Variants in MAP6D1 observed in about 807,000 individuals in gnomAD.
The protein encoded by MAP6D1 is MAP6 domain-containing protein 1.
In MAP6D1, 13 loss-of-function variants were observed where a neutral mutation model predicts 17.4. The ratio of observed to expected loss-of-function variants is 0.75; its 90% confidence interval spans 0.49 to 1.19. MAP6D1 has a LOEUF of 1.19. Ranked by LOEUF, MAP6D1 falls within the 50% of genes most tolerant of loss-of-function variation. MAP6D1 has a pLI of 0.00. For missense variants in MAP6D1, 313 were observed against 312.6 expected (o/e 1.00, Z -0.01); for synonymous variants, 141 against 145.7 (o/e 0.97, Z 0.23).
intron 2 of MAP6D1, among the ~76,000 whole-genome samples, 184 bp from the exon 3 acceptor site, chr3:183,817,620 G>A (rs922774163): frequency 3.3e-5 from 5 of 152,120 alleles, no homozygotes; most frequent in Non-Finnish European, 7.4e-5. Context: ...GCAGCTGAGT[G>A]GTACACGGAC....
At chr3:183,823,328 A>T (rs1727300704) in intron 1 of MAP6D1, among the ~76,000 whole-genome samples, 1 of 148,890 alleles carries the variant, frequency 6.7e-6, no homozygotes, top group Non-Finnish European at 1.5e-5. Context: ...TCATCCGGGC[A>T]TGGTGGCTCA....
chr3:183,817,500 T>C, intron 2 of MAP6D1, 64 bp from the exon 3 acceptor site: 1 of 1,401,812 alleles, frequency 7.1e-7, no homozygotes, highest in Non-Finnish European at 9.8e-7. Flanking sequence ...TCTTCCCCAC[T>C]ACCCAGCTCC....
Position 183,825,282 on chromosome 3 carries a change from C to T in MAP6D1, c.266G>A (p.Arg89His). The T allele has an allele frequency of 7.5e-7, 1 of 1,337,936 alleles. No individual in the cohort carries two copies. Among genetic ancestry groups the T allele is most frequent in the Non-Finnish European group, 9.6e-7 (1 of 1,046,322 alleles). The allele number at this position is 1,337,936 out of a possible 1,614,324, so 82.9% of individuals were successfully genotyped here. The change falls in exon 1 of 3, where the codon CGC (arginine) becomes CAC (histidine). Residue 89 changes from arginine (R) to histidine (H), a missense_variant. Transcript: ENST00000318631. The part of the protein sequence containing the change: ...PAGPKDPPPG[R>H]GPGAGGRRGK... Reference sequence around the variant, plus strand: ...CCTGCGGCCGCCCGCCCCCGGTCCGCGCCCCGGCGGCGGATCCTTGGGCCC... The same window carrying T: ...CCTGCGGCCGCCCGCCCCCGGTCCGTGCCCCGGCGGCGGATCCTTGGGCCC...
At position 183,817,279 on chromosome 3, in the gene MAP6D1, C is replaced by T; in HGVS notation, c.*77G>A. On this transcript the variant is annotated 3_prime_UTR_variant, in exon 3 of 3. Transcript: ENST00000318631. ...CAGGGGCCCATGCCATGCTCTCGCC[C>T]AGCCCCGCGGCAGTGGGTCCTGAGG... 1 of 1,432,570 alleles carries T rather than the reference C, an allele frequency of 7.0e-7. No individual in the cohort carries two copies. The highest frequency in any genetic ancestry group is 1.2e-5 in the South Asian group (1 of 81,544). 88.7% of individuals were successfully genotyped at this position (1,432,570 alleles called of 1,614,324 possible).
chr3:183,821,938 G>C (rs146875595), intron 1 of MAP6D1, among the ~76,000 whole-genome samples: 9 of 152,148 alleles, frequency 5.9e-5, no homozygotes, highest in Admixed American at 3.9e-4. Flanking sequence ...TGGGATTACA[G>C]GTGTGAGCCA....
chr3:183,822,231 C>T (rs1412105177), intron 1 of MAP6D1, among the ~76,000 whole-genome samples: 1 of 145,136 alleles, frequency 6.9e-6, no homozygotes, highest in African/African-American at 2.6e-5. Flanking sequence ...ACATAAACCC[C>T]ATCTCTAAAA....
rs1181446978 is a variant in MAP6D1, at chr3:183,817,384, G to A, written c.572C>T (p.Ala191Val). Residue 191 changes from alanine to valine, a missense_variant, in exon 3 of 3, where the codon GCC becomes GTC. Physicochemically the swap from Ala to Val is moderately conservative, Grantham distance 64. Transcript: ENST00000318631. ...CACGTTGAGAATCCGGGGAGCTGAG[G>A]CCTGAAAGATGGCGGAGGGGTTAGG... ...FTPNPSAIFQ[A>V]SAPRILNV 4 of 1,571,210 alleles carry A rather than the reference G, an allele frequency of 2.5e-6. No individual in the cohort carries two copies. The highest frequency in any genetic ancestry group is 3.5e-6 in the Non-Finnish European group (4 of 1,158,136).
At position 183,825,153 on chromosome 3, in the gene MAP6D1, G is replaced by T. The variant is rs1303223379; in HGVS notation, c.395C>A (p.Ser132Ter). ...GTCCCTACCCAGCCCATACCTGTAC[G>T]ACGTGGTCACTGCTGCAGCCGCGTC... is the stretch of plus-strand genomic sequence containing the variant. ...DADAAAAVTTSYRQEFQAWTG... is the reference protein window; with the variant it reads ...DADAAAAVTT Residue 132 changes from serine (S) to a stop codon, truncating the protein, a stop_gained, in exon 1 of 3, where the codon TCG (serine) becomes TAG (stop). Coordinates refer to ENST00000318631, the MANE Select transcript of MAP6D1 (RefSeq NM_024871.4). LOFTEE classifies it high-confidence loss of function. The T allele has an allele frequency of 9.2e-5, 133 of 1,451,526 alleles. No homozygotes were observed. Among genetic ancestry groups the T allele is most frequent in the Non-Finnish European group, 1.2e-4 (131 of 1,099,766 alleles). The allele number at this position is 1,451,526 out of a possible 1,614,324, so 89.9% of individuals were successfully genotyped here. A position where few individuals can be genotyped will look rare whatever the true frequency, so the allele number is the denominator to read the frequency against.
At chr3:183,819,792 AGTGGGG>A (rs1727204117) in intron 1 of MAP6D1, among the ~76,000 whole-genome samples, 3 of 152,334 alleles carry the variant, frequency 2.0e-5, no homozygotes, top group Non-Finnish European at 4.4e-5. Context: ...TCTTCTGAAA[AGTGGGG>A]CTGCTGACCC....
chr3:183,819,638 GA>G lies in MAP6D1; in HGVS notation c.402-1528del, dbSNP rs142981613. On this transcript the variant is annotated intron_variant, in intron 1 of 2. Coordinates refer to ENST00000318631, the MANE Select transcript of MAP6D1 (RefSeq NM_024871.4). ...TCATGGCTCAGGCCAAGATTAGTAAGAAATACAGGCCTCCCTGCCTGCTGTG... is the reference window on the plus strand; with the variant it reads ...TCATGGCTCAGGCCAAGATTAGTAAGAATACAGGCCTCCCTGCCTGCTGTG... Among the ~76,000 whole-genome samples the G allele has an allele frequency of 6.8e-3, 1,043 of 152,360 alleles. 10 individuals carry two copies. The highest frequency in any genetic ancestry group is 0.023 in the African/African-American group (970 of 41,588).
chr3:183,819,265 G>A (rs987017524), intron 1 of MAP6D1, among the ~76,000 whole-genome samples: 5 of 152,272 alleles, frequency 3.3e-5, no homozygotes, highest in Admixed American at 6.5e-5. Flanking sequence ...GCTAGGCCGG[G>A]GCCCCGTCAG....
At chr3:183,821,453 G>T (rs1727253600) in intron 1 of MAP6D1, among the ~76,000 whole-genome samples, 1 of 152,106 alleles carries the variant, frequency 6.6e-6, no homozygotes. Context: ...AGCAGAGAAG[G>T]CGACAGCTAG....
chr3:183,824,047 T>C (rs927136667), intron 1 of MAP6D1, among the ~76,000 whole-genome samples: 3 of 152,254 alleles, frequency 2.0e-5, no homozygotes, highest in Admixed American at 6.5e-5. Context: ...GGTATGCGTA[T>C]ATTTAAGATC....
rs1727139941 is a variant in MAP6D1 at position 183,817,416 on chromosome 3, C to T, written c.540G>A (p.Lys180=). Residue 180 remains lysine, a synonymous_variant, in exon 3 of 3, where the codon AAG becomes AAA. Transcript: ENST00000318631. The part of the protein sequence containing the change: ...AGFQVPEVRK[K]FTPNPSAIFQ... ...AGATGGCGGAGGGGTTAGGAGTGAACTTCTTCCTCACCTCTGGGACCTGAA... is the reference window on the plus strand; with the variant it reads ...AGATGGCGGAGGGGTTAGGAGTGAATTTCTTCCTCACCTCTGGGACCTGAA... The T allele has an allele frequency of 2.6e-6, 4 of 1,567,156 alleles. No individual in the cohort carries two copies.
intron 2 of MAP6D1, 88 bp downstream of exon 2, chr3:183,817,904 ATT>A (rs1355831216): frequency 1.3e-5 from 13 of 1,037,900 alleles, no homozygotes; most frequent in Non-Finnish European, 1.8e-5. Flanking sequence ...TCATAATTGC[ATT>A]TTACACCATG....
rs576201100 is a variant in MAP6D1, at chr3:183,816,347, C to G, written c.*1009G>C. The G allele has an allele frequency of 1.3e-5, 2 of 152,336 alleles. No homozygotes were observed. The highest frequency in any genetic ancestry group is 3.4e-3 in the Middle Eastern group (1 of 294). 9.4% of individuals were successfully genotyped at this position (152,336 alleles called of 1,614,324 possible). On this transcript the variant is annotated 3_prime_UTR_variant, in exon 3 of 3. Transcript: ENST00000318631. ...ACTGAAGACTGTCCTGAGCTTGTAC[C>G]TCTAAGCTTTAAAAAGAGACGAAGA...
At chr3:183,818,996 T>C (rs1427690634) in intron 1 of MAP6D1, among the ~76,000 whole-genome samples, 2 of 152,236 alleles carry the variant, frequency 1.3e-5, no homozygotes, top group African/African-American at 2.4e-5. Context: ...CTCTGCAAGA[T>C]GGGGAGCTCA....
At position 183,823,955 on chromosome 3, in the gene MAP6D1, C is replaced by T. The variant is rs952548442; in HGVS notation, c.401+1192G>A. 5.3e-5 allele frequency among the ~76,000 whole-genome samples: 8 copies of T among 152,330 alleles called. No individual in the cohort carries two copies. In the East Asian group the frequency reaches 7.7e-4, roughly 15 times the overall value. ...CAGACATCCATCAGGGCATCCTGTG[C>T]TTATTTGAGCATATGTGTGTATATT... On this transcript the variant is annotated intron_variant, in intron 1 of 2. Coordinates refer to ENST00000318631, the MANE Select transcript of MAP6D1 (RefSeq NM_024871.4).
chr3:183,820,983 T>G (rs1727240229), intron 1 of MAP6D1, among the ~76,000 whole-genome samples: 1 of 151,264 alleles, frequency 6.6e-6, no homozygotes, highest in Non-Finnish European at 1.5e-5. Context: ...TAGTCCCAGC[T>G]ACTCTGGAGG....
Sources: allele counts gnomAD v4.1 joint callset (sites outside exome capture counted in the v4.1 genomes callset), GRCh38; gene constraint gnomAD v4.1.1; transcripts MANE v1.5; gene names NCBI Gene and HGNC (gene_info 2026-07-23, HGNC 2026-07-21).